IL4R: variants seen among roughly 807,000 people sequenced by gnomAD.
The protein encoded by IL4R is interleukin-4 receptor subunit alpha.
A neutral mutation model predicts 41.5 loss-of-function variants in IL4R; 17 were observed. The observed-to-expected ratio is 0.41, with a 90% CI of 0.28 to 0.61. The LOEUF is 0.61. Ranked by LOEUF, IL4R falls within the 20% of genes least tolerant of loss-of-function variation. The pLI is 0.31. For synonymous variants in IL4R, 402 were observed against 422.9 expected (o/e 0.95, Z 0.61); for missense variants, 974 against 1,043.1 (o/e 0.93, Z 0.91).
At chr16:27,328,590 C>A (rs2085028013) in intron 1 of IL4R, among the ~76,000 whole-genome samples, 1 of 152,172 alleles carries the variant, frequency 6.6e-6, no homozygotes, top group Non-Finnish European at 1.5e-5. Context: ...GTTTATTGTA[C>A]ACATGCTATG....
intron 3 of IL4R, chr16:27,341,002 G>A: frequency 1.9e-6 from 1 of 526,608 alleles, no homozygotes; most frequent in South Asian, 1.7e-5. Flanking sequence ...AGGTGACAGA[G>A]TGGCTGAATC....
chr16:27,352,589 C>T lies in IL4R; in HGVS notation c.563C>T (p.Ala188Val). The change falls in exon 7 of 11, where the codon GCC becomes GTC. Residue 188 changes from alanine (A) to valine (V), a missense_variant. Around this residue, in one of 3 missense-constraint regions of IL4R, gnomAD observed 284 missense variants for 313.4 expected, o/e 0.91. Transcript: ENST00000395762. ...TYLEPSLRIA[A>V]STLKSGISYR... ...CTAGAACCCTCCCTCCGCATCGCAG[C>T]CAGCACCCTGAAGTCTGGGATTTCC... 6.2e-7 allele frequency: 1 copy of T among 1,614,182 alleles called. No individual in the cohort carries two copies. Among genetic ancestry groups the T allele is most frequent in the Non-Finnish European group, 8.5e-7 (1 of 1,179,986 alleles).
rs779355998 is a variant in IL4R, at chr16:27,328,205, C to CAAAAAAAAAAAAA, written c.-151-1855_-151-1843dup. The stretch of plus-strand genomic sequence containing the variant: ...CTGGTGACAAAGCTAGGCTCCATCT[C>CAAAAAAAAAAAAA]AAAAAAAAAAAAAAAAAAGATTGTT... On this transcript the variant is annotated intron_variant, in intron 1 of 10. Transcript: ENST00000395762. Among the ~76,000 whole-genome samples the CAAAAAAAAAAAAA allele has an allele frequency of 6.4e-3, 448 of 70,438 alleles. 23 individuals carry two copies. Among genetic ancestry groups the CAAAAAAAAAAAAA allele is most frequent in the African/African-American group, 0.019 (370 of 19,776 alleles). 46.2% of individuals were successfully genotyped at this position (70,438 alleles called of 152,430 possible). A position where few individuals can be genotyped will look rare whatever the true frequency, so the allele number is the denominator to read the frequency against.
At chr16:27,356,665 C>A (rs954288496) in intron 8 of IL4R, among the ~76,000 whole-genome samples, 20 of 151,986 alleles carry the variant, frequency 1.3e-4, no homozygotes, top group African/African-American at 4.4e-4. Context: ...GGTGCCTGGG[C>A]AACTGGGGGC....
chr16:27,325,469 G>T (rs1223008977), intron 1 of IL4R, among the ~76,000 whole-genome samples: 1 of 151,906 alleles, frequency 6.6e-6, no homozygotes, highest in Non-Finnish European at 1.5e-5. Context: ...AGCTACTCGG[G>T]AGACTGAGGC....
intron 3 of IL4R, chr16:27,341,061 G>A: frequency 1.5e-6 from 1 of 663,410 alleles, no homozygotes; most frequent in Non-Finnish European, 2.8e-6. Context: ...CATCCATTAT[G>A]TTCCAAAGGA....
chr16:27,335,181 G>T (rs989265371), intron 2 of IL4R, among the ~76,000 whole-genome samples: 3 of 152,110 alleles, frequency 2.0e-5, no homozygotes, highest in African/African-American at 7.2e-5. Flanking sequence ...TTTCAGGGAG[G>T]TGATGTTGGG....
intron 8 of IL4R, among the ~76,000 whole-genome samples, chr16:27,356,624 T>G (rs892823688): frequency 6.6e-6 from 1 of 151,996 alleles, no homozygotes; most frequent in Non-Finnish European, 1.5e-5. Flanking sequence ...ATAAGCAAGA[T>G]GGAGTCATCC....
At chr16:27,336,807 A>C (rs1254960963) in intron 2 of IL4R, among the ~76,000 whole-genome samples, 1 of 151,926 alleles carries the variant, frequency 6.6e-6, no homozygotes, top group South Asian at 2.1e-4. Flanking sequence ...AGCCGGGCTC[A>C]GTGGCTCACG....
rs1276691073 is a variant in IL4R, at chr16:27,362,468, G to T, written c.1116G>T (p.Glu372Asp). The T allele has an allele frequency of 6.3e-7, 1 of 1,593,604 alleles. No homozygotes were observed. The highest frequency in any genetic ancestry group is 1.7e-5 in the Admixed American group (1 of 59,624). ...VELFEAPVECEEEEEVEEEKG... is the reference protein window; with the variant it reads ...VELFEAPVECDEEEEVEEEKG... ...TGTTTGAGGCCCCGGTGGAGTGTGA[G>T]GAGGAGGAGGAGGTAGAGGAAGAAA... Residue 372 changes from glutamate (E) to aspartate (D), a missense_variant, in exon 11 of 11, where the codon GAG becomes GAT. Glu to Asp is a conservative substitution (Grantham distance 45). This residue lies in a region of IL4R where 682 missense variants were observed against 704.3 expected (regional missense o/e 0.97). Transcript: ENST00000395762.
intron 1 of IL4R, chr16:27,315,470 T>A (rs958881606): frequency 3.3e-5 from 5 of 152,508 alleles, no homozygotes; most frequent in Non-Finnish European, 7.3e-5. Context: ...AGGGTGCGGA[T>A]GCACCAGCGG....
At chr16:27,318,088 A>T (rs1415518226) in intron 1 of IL4R, among the ~76,000 whole-genome samples, 9 of 152,188 alleles carry the variant, frequency 5.9e-5, no homozygotes, top group African/African-American at 9.7e-5. Context: ...GAAATCCACG[A>T]TTTCTGAAAA....
At chr16:27,328,958 G>C (rs895606214) in intron 1 of IL4R, among the ~76,000 whole-genome samples, 1 of 152,098 alleles carries the variant, frequency 6.6e-6, no homozygotes, top group East Asian at 1.9e-4. Context: ...TTTGCTTGCT[G>C]ATATAGTTGG....
chr16:27,316,400 G>T (rs1339925526), intron 1 of IL4R, among the ~76,000 whole-genome samples: 2 of 152,002 alleles, frequency 1.3e-5, no homozygotes, highest in East Asian at 3.9e-4. Context: ...TACATGAGAA[G>T]AGAGAACCTT....
intron 1 of IL4R, among the ~76,000 whole-genome samples, chr16:27,329,530 A>C (rs1464638753): frequency 6.6e-6 from 1 of 151,896 alleles, no homozygotes; most frequent in African/African-American, 2.4e-5. Flanking sequence ...ACAAAAAATT[A>C]GTTGGGTGTG....
chr16:27,361,610 CTTT>C (rs34798776), intron 10 of IL4R, among the ~76,000 whole-genome samples: 15,689 of 111,640 alleles, frequency 0.14, 1,282 homozygotes, highest in African/African-American at 0.27. Context: ...GATCCCGCAT[CTTT>C]TTTTTTTTTT....
intron 8 of IL4R, among the ~76,000 whole-genome samples, chr16:27,356,268 T>G (rs1484424281): frequency 6.6e-6 from 1 of 151,958 alleles, no homozygotes; most frequent in East Asian, 1.9e-4. Context: ...ATTTTTTGTA[T>G]TTTTGGTAGA....
chr16:27,338,797 T>C (rs1342812072), intron 2 of IL4R, among the ~76,000 whole-genome samples: 1 of 152,102 alleles, frequency 6.6e-6, no homozygotes, highest in African/African-American at 2.4e-5. Context: ...GATCTCCTAG[T>C]GTCGTGATCT....
At chr16:27,355,935 C>G (rs897702118) in intron 8 of IL4R, 28 bp downstream of exon 8, 3 of 1,535,964 alleles carry the variant, frequency 2.0e-6, no homozygotes, top group Non-Finnish European at 2.7e-6. Flanking sequence ...TGCTGCCGAG[C>G]AGTCCCTCTG....
Sources: gnomAD v4.1 joint callset for allele counts (sites outside exome capture counted in the v4.1 genomes callset) on GRCh38, gnomAD v4.1.1 for gene constraint, gnomAD v4.1.1 regional missense constraint, MANE v1.5 for transcripts, NCBI Gene and HGNC (gene_info 2026-07-23, HGNC 2026-07-21) for gene names.